Variants in YJEFN3 observed in about 807,000 individuals in gnomAD.
YJEFN3 encodes the protein yjeF N-terminal domain-containing protein 3.
A neutral mutation model predicts 31.5 loss-of-function variants in YJEFN3; 29 were observed. That is an observed-to-expected ratio of 0.92 (90% confidence interval 0.69 to 1.26). The LOEUF (loss-of-function observed/expected upper bound fraction) is 1.26. YJEFN3 is among the 50% of genes most tolerant of loss of function. YJEFN3 has a pLI of 0.00. For missense variants in YJEFN3, 442 were observed against 425.4 expected (o/e 1.04, Z -0.34); for synonymous variants, 227 against 196.1 (o/e 1.16, Z -1.32).
In YJEFN3 at chr19:19,529,502, TG is replaced by T; in HGVS notation, c.199del (p.Val67PhefsTer38). 1 of 1,613,708 alleles carries T rather than the reference TG, an allele frequency of 6.2e-7. No homozygotes were observed. ...WLEQIWNAGPVCQSTAEAAAL... is the reference protein window; with the variant it reads ...WLEQIWNAGPXCQSTAEAAAL... ...TAGAGCAGATTTGGAACGCAGGGCC[TG>T]TTTGCCAGAGGTTGGTGAGTTTGGG... On this transcript the variant is annotated frameshift_variant, in exon 2 of 7. Coordinates refer to ENST00000514277, the MANE Select transcript of YJEFN3 (RefSeq NM_198537.4). LOFTEE classifies it high-confidence loss of function.
At chr19:19,533,255 A>C in intron 3 of YJEFN3, 1 of 987,380 alleles carries the variant, frequency 1.0e-6, no homozygotes, top group Non-Finnish European at 1.2e-6. Flanking sequence ...AGCAATAATC[A>C]TACTATGGAG....
chr19:19,528,917 C>G lies in YJEFN3; in HGVS notation c.-16C>G. ...GGCGGTGGCGGCAGCGCCCGGCGCC[C>G]GGGCTCACCTCGGCCATGAGCAGCG... On this transcript the variant is annotated 5_prime_UTR_variant, in exon 1 of 7. Transcript: ENST00000514277. 1 of 1,547,210 alleles carries G rather than the reference C, an allele frequency of 6.5e-7. No individual in the cohort carries two copies. The highest frequency in any genetic ancestry group is 2.4e-5 in the East Asian group (1 of 40,842).
In YJEFN3 at chr19:19,537,483, C is replaced by G. The variant is rs1413189366; in HGVS notation, c.859C>G (p.Leu287Val). The change falls in exon 7 of 7, where the codon CTG becomes GTG. Residue 287 changes from leucine to valine, a missense_variant. Transcript: ENST00000514277. ...DDVRRKFALR[L>V]PGYTGTDCVA... ...CGTGCGCCGCAAGTTCGCTCTGCGC[C>G]TGCCGGGATACACGGGCACCGACTG... The G allele has an allele frequency of 6.3e-7, 1 of 1,582,236 alleles. No homozygotes were observed. Among genetic ancestry groups the G allele is most frequent in the East Asian group, 2.3e-5 (1 of 44,174 alleles).
chr19:19,536,463 CTGA>C (rs2144669531), intron 6 of YJEFN3, among the ~76,000 whole-genome samples: 1 of 151,204 alleles, frequency 6.6e-6, no homozygotes, highest in East Asian at 2.0e-4. Flanking sequence ...GGCGGGTCAC[CTGA>C]TGTCAGGAGT....
rs753592132 is a variant in YJEFN3, at chr19:19,535,406, T to G, written c.499T>G (p.Cys167Gly). The G allele has an allele frequency of 6.2e-7, 1 of 1,614,000 alleles. No individual in the cohort carries two copies. Among genetic ancestry groups the G allele is most frequent in the Non-Finnish European group, 8.5e-7 (1 of 1,179,996 alleles). Residue 167 changes from cysteine (C) to glycine (G), a missense_variant, in exon 5 of 7, where the codon TGC (cysteine) becomes GGC (glycine). Coordinates refer to ENST00000514277, the MANE Select transcript of YJEFN3 (RefSeq NM_198537.4). ...DLLHRDLTTQ[C>G]EKMDIPFLSY... is the part of the protein sequence containing the mutation. Reference sequence around the variant, plus strand: ...GCTGCATCGGGACCTGACCACCCAGTGCGAGAAGATGGACATCCCCTTCCT... The same window carrying G: ...GCTGCATCGGGACCTGACCACCCAGGGCGAGAAGATGGACATCCCCTTCCT...
chr19:19,536,421 C>T (rs1313781536), intron 6 of YJEFN3, among the ~76,000 whole-genome samples: 1 of 152,132 alleles, frequency 6.6e-6, no homozygotes, highest in Non-Finnish European at 1.5e-5. Flanking sequence ...GGGGTCACAC[C>T]TGTAATCCCA....
At chr19:19,530,580 G>A (rs968506062) in intron 2 of YJEFN3, among the ~76,000 whole-genome samples, 6 of 152,308 alleles carry the variant, frequency 3.9e-5, no homozygotes, top group Non-Finnish European at 8.8e-5. Context: ...GCACCCTCCT[G>A]CGGGGGCAGC....
chr19:19,529,669 C>T (rs1276556973), intron 2 of YJEFN3, among the ~76,000 whole-genome samples, 156 bp downstream of exon 2: 17 of 152,178 alleles, frequency 1.1e-4, no homozygotes, highest in African/African-American at 1.9e-4. Context: ...TAGCAGGGCA[C>T]GTGTCCCCTC....
At position 19,535,460 on chromosome 19, in the gene YJEFN3, G is replaced by T; in HGVS notation, c.543+10G>T. 6.2e-7 allele frequency: 1 copy of T among 1,613,880 alleles called. No homozygotes were observed. The highest frequency in any genetic ancestry group is 8.5e-7 in the Non-Finnish European group (1 of 1,179,912). ...CTACCTGCCCACTGAGGTCAGCGCT[G>T]GGTGGCAAGCAAGGGGGACATGGTG... On this transcript the variant is annotated intron_variant, in intron 5 of 6. Transcript: ENST00000514277.
rs764444526 is a variant in YJEFN3, at chr19:19,532,755, A to C, written c.318+15A>C. The stretch of plus-strand genomic sequence containing the variant: ...CTGTGACCAAGGTACCTGACCCCTG[A>C]CCCCCAACCCTGACCCCAACCAGAC... On this transcript the variant is annotated intron_variant, in intron 3 of 6. Coordinates refer to ENST00000514277, the MANE Select transcript of YJEFN3 (RefSeq NM_198537.4). 2 of 1,534,616 alleles carry C rather than the reference A, an allele frequency of 1.3e-6. No individual in the cohort carries two copies. Among genetic ancestry groups the C allele is most frequent in the South Asian group, 2.4e-5 (2 of 84,122 alleles).
Position 19,535,359 on chromosome 19 carries a change from AC to A in YJEFN3, c.456del (p.Thr153HisfsTer11). 6.2e-7 allele frequency: 1 copy of A among 1,613,590 alleles called. No individual in the cohort carries two copies. Among genetic ancestry groups the A allele is most frequent in the African/African-American group, 1.3e-5 (1 of 74,892 alleles). On this transcript the variant is annotated frameshift_variant, in exon 5 of 7. Coordinates refer to ENST00000514277, the MANE Select transcript of YJEFN3 (RefSeq NM_198537.4). LOFTEE classifies it high-confidence loss of function. ...CAGGAGTATGAACCCACCATCTTCT[AC>A]CCCACACGCTCGCTGGACCTGCTGC... ...RVFEYEPTIF[Y>X]PTRSLDLLHR...
Position 19,535,059 on chromosome 19 carries a change from G to T in YJEFN3, c.344G>T (p.Arg115Leu), listed in dbSNP as rs752678686. 3.7e-6 allele frequency: 6 copies of T among 1,608,554 alleles called. No homozygotes were observed. In the Admixed American group the frequency reaches 1.0e-4, roughly 27 times the overall value. The change falls in exon 4 of 7, where the codon CGG becomes CTG. Residue 115 changes from arginine (R) to leucine (L), a missense_variant. Physicochemically the swap from Arg to Leu is moderately radical, Grantham distance 102 (BLOSUM62 -2). Coordinates refer to ENST00000514277, the MANE Select transcript of YJEFN3 (RefSeq NM_198537.4). ...GCGTTCCCGTTGCCCGCTCTCTCCC[G>T]GAAGCAGAGGACGGTGCTGGTCGTG... ...TKAFPLPALSRKQRTVLVVCG... is the reference protein window; with the variant it reads ...TKAFPLPALSLKQRTVLVVCG...
chr19:19,531,329 T>C (rs1377484881), intron 2 of YJEFN3, among the ~76,000 whole-genome samples: 4 of 152,252 alleles, frequency 2.6e-5, no homozygotes, highest in South Asian at 4.1e-4. Context: ...GCTTCCTGCA[T>C]GATCCTGGGC....
At chr19:19,530,435 C>G (rs1239915198) in intron 2 of YJEFN3, among the ~76,000 whole-genome samples, 1 of 151,544 alleles carries the variant, frequency 6.6e-6, no homozygotes, top group Non-Finnish European at 1.5e-5. Flanking sequence ...CCTGGACGAC[C>G]CTCTGCCCAC....
chr19:19,534,776 G>C lies in YJEFN3; in HGVS notation c.319-258G>C. 2.7e-6 allele frequency: 1 copy of C among 364,902 alleles called. No individual in the cohort carries two copies. Among genetic ancestry groups the C allele is most frequent in the Non-Finnish European group, 4.9e-6 (1 of 203,372 alleles). The allele number at this position is 364,902 out of a possible 1,614,324, so 22.6% of individuals were successfully genotyped here. On this transcript the variant is annotated intron_variant, in intron 3 of 6. Transcript: ENST00000514277. The surrounding 1 kb of genome is among the most constrained non-coding windows in gnomAD (Gnocchi z 4.6). ...GCGGAGAATAAACAAACCGCACTCC[G>C]GGCGACGGGCAGTGGCTGGATGCAC...
Position 19,535,342 on chromosome 19 carries a change from T to G in YJEFN3, c.435T>G (p.Tyr145Ter). Reference protein sequence around the residue: ...VCARHLRVFEYEPTIFYPTRS... With the variant: ...VCARHLRVFE ...CCCTCTTCTCCCACCCCCAGGAGTATGAACCCACCATCTTCTACCCCACAC... is the reference window on the plus strand; with the variant it reads ...CCCTCTTCTCCCACCCCCAGGAGTAGGAACCCACCATCTTCTACCCCACAC... Residue 145 changes from tyrosine to a stop codon, truncating the protein, a stop_gained, in exon 5 of 7, where the codon TAT (tyrosine) becomes TAG (stop). Transcript: ENST00000514277. LOFTEE classifies it high-confidence loss of function. The G allele has an allele frequency of 1.2e-6, 2 of 1,613,698 alleles. 1 individual carries two copies. The highest frequency in any genetic ancestry group is 2.2e-5 in the South Asian group (2 of 91,064).
chr19:19,529,296 T>G (rs2061129921), intron 1 of YJEFN3, 68 bp from the exon 2 acceptor site: 1 of 1,528,514 alleles, frequency 6.5e-7, no homozygotes, highest in Admixed American at 2.0e-5. Context: ...GAATGATTCA[T>G]CAGCAGCGCT....
intron 6 of YJEFN3, 39 bp downstream of exon 6, chr19:19,535,718 G>A (rs1287463877): frequency 6.5e-6 from 10 of 1,541,094 alleles, no homozygotes; most frequent in Non-Finnish European, 7.9e-6. Context: ...GGCCTGGGGG[G>A]CTTGGGTGGA....
chr19:19,535,485 G>A (rs372846433), intron 5 of YJEFN3, 35 bp downstream of exon 5: 1 of 1,613,464 alleles, frequency 6.2e-7, no homozygotes, highest in Non-Finnish European at 8.5e-7. Flanking sequence ...GGGACATGGT[G>A]TGCAGTGGCC....
Sources: gnomAD v4.1 joint callset for allele counts (sites outside exome capture counted in the v4.1 genomes callset) on GRCh38, gnomAD v4.1.1 for gene constraint, Gnocchi (gnomAD v3.1) non-coding constraint, MANE v1.5 for transcripts, NCBI Gene and HGNC (gene_info 2026-07-23, HGNC 2026-07-21) for gene names.